PIGN: variants seen among roughly 807,000 people sequenced by gnomAD.
The protein encoded by PIGN is phosphatidylinositol glycan anchor biosynthesis class N, also known as GPI ethanolamine phosphate transferase 1.
In PIGN, 117 loss-of-function variants were observed where a neutral mutation model predicts 125.4. The observed-to-expected ratio is 0.93, with a 90% CI of 0.80 to 1.09. The LOEUF (loss-of-function observed/expected upper bound fraction) is 1.09, where lower values mean the gene tolerates loss of function less well. Among genes scored for constraint, PIGN ranks in the 50% least tolerant of loss-of-function variants. The pLI, the probability that PIGN is intolerant of heterozygous loss-of-function variation, is 0.00. For missense variants in PIGN, 1,075 were observed against 1,094.9 expected, an observed-to-expected ratio of 0.98 and a Z score of 0.26; for synonymous variants, 392 against 377.8, an observed-to-expected ratio of 1.04 and a Z score of -0.44.
rs1226604793 is a variant in PIGN at position 62,186,848 on chromosome 18, A to G, written c.-240T>C. 6.6e-6 allele frequency: 1 copy of G among 152,250 alleles called. No homozygotes were observed. Among genetic ancestry groups the G allele is most frequent in the Non-Finnish European group, 1.5e-5 (1 of 68,130 alleles). The allele number at this position is 152,250 out of a possible 1,614,324, so 9.4% of individuals were successfully genotyped here. A position where few individuals can be genotyped will look rare whatever the true frequency, so the allele number is the denominator to read the frequency against. On this transcript the variant is annotated 5_prime_UTR_variant, in exon 1 of 31. Coordinates refer to ENST00000640252, the MANE Select transcript of PIGN (RefSeq NM_176787.5). The stretch of plus-strand genomic sequence containing the variant: ...GCACTGGTCCCTGAACTTTACCTGG[A>G]GCTTATCCCGGTCAGGCCTGATCTC...
downstream of PIGN, among the ~76,000 whole-genome samples, chr18:62,040,250 G>A (rs1321139074): frequency 2.8e-4 from 39 of 139,464 alleles, no homozygotes; most frequent in Admixed American, 2.2e-3. Flanking sequence ...CCAGGGTGCC[G>A]CACCCCATGT....
At chr18:62,156,481 C>T (rs911110572) in intron 6 of PIGN, among the ~76,000 whole-genome samples, 2 of 152,050 alleles carry the variant, frequency 1.3e-5, no homozygotes, top group Non-Finnish European at 2.9e-5. Flanking sequence ...CAGGCACATG[C>T]CACCACACTC....
chr18:62,178,163 C>T (rs972186314), intron 1 of PIGN, among the ~76,000 whole-genome samples: 5 of 152,042 alleles, frequency 3.3e-5, no homozygotes, highest in African/African-American at 4.8e-5. Flanking sequence ...GAAATGTGGG[C>T]CATAGTCCCC....
At chr18:62,059,230 G>C (rs1190408122) in intron 30 of PIGN, 3 of 149,874 alleles carry the variant, frequency 2.0e-5, no homozygotes, top group African/African-American at 7.4e-5. Context: ...CTTCTTCAGG[G>C]ACCAAAGTTT....
At chr18:62,151,880 G>A (rs1486327608) in intron 7 of PIGN, among the ~76,000 whole-genome samples, 1 of 152,060 alleles carries the variant, frequency 6.6e-6, no homozygotes, top group Non-Finnish European at 1.5e-5. Context: ...GCTTAGCCTG[G>A]CCTACTGTCA....
intron 23 of PIGN, among the ~76,000 whole-genome samples, chr18:62,027,083 A>G (rs2030132979): frequency 6.6e-6 from 1 of 152,114 alleles, no homozygotes. Flanking sequence ...GGCACCTGTA[A>G]CCCCAGCTAC....
intron 23 of PIGN, among the ~76,000 whole-genome samples, chr18:62,019,150 A>G (rs1464306385): frequency 6.6e-6 from 1 of 152,198 alleles, no homozygotes; most frequent in Non-Finnish European, 1.5e-5. Context: ...TTCAGGCTGC[A>G]GTGAGCTATG....
chr18:62,109,962 A>T lies in PIGN; in HGVS notation c.1446T>A (p.His482Gln). The change falls in exon 17 of 31, where the codon CAT (histidine) becomes CAA (glutamine). Residue 482 changes from histidine (H) to glutamine (Q), a missense_variant. His to Gln is a conservative substitution (Grantham distance 24, BLOSUM62 0). This residue lies in a region of PIGN where 915 missense variants were observed against 908.7 expected (regional missense o/e 1.01). Transcript: ENST00000640252. ...GVSKEVKKPS[H>Q]LLPCSFVAIG... The stretch of plus-strand genomic sequence containing the variant: ...TAGCTACAAAACTACAAGGCAGGAG[A>T]TGGCTTGGTTTCTGAAAAATCAAAC... The T allele has an allele frequency of 6.2e-7, 1 of 1,613,420 alleles. No individual in the cohort carries two copies. Among genetic ancestry groups the T allele is most frequent in the Non-Finnish European group, 8.5e-7 (1 of 1,179,538 alleles).
At chr18:62,030,869 G>T (rs1333601809) in intron 23 of PIGN, among the ~76,000 whole-genome samples, 1 of 152,166 alleles carries the variant, frequency 6.6e-6, no homozygotes, top group African/African-American at 2.4e-5. Flanking sequence ...CAAGTGCTGA[G>T]GTGGGAGGAT....
intron 10 of PIGN, among the ~76,000 whole-genome samples, chr18:62,145,250 G>T (rs1268656150): frequency 6.6e-6 from 1 of 152,128 alleles, no homozygotes; most frequent in African/African-American, 2.4e-5. Context: ...AAATAATCAT[G>T]GCAGTGTACT....
downstream of PIGN, among the ~76,000 whole-genome samples, chr18:62,038,308 G>GTTTTTTTTTTTTTTTTTTTTTTTT (rs34436733): frequency 8.3e-6 from 1 of 120,088 alleles, no homozygotes; most frequent in African/African-American, 3.3e-5. Flanking sequence ...CCCCCTCCGT[G>GTTTTTTTTTTTTTTTTTTTTTTTT]TTTTTTTTTT....
chr18:62,185,345 G>T (rs1448485964), intron 1 of PIGN, among the ~76,000 whole-genome samples: 1 of 152,010 alleles, frequency 6.6e-6, no homozygotes, highest in Non-Finnish European at 1.5e-5. Context: ...ATATGGCACA[G>T]AAAACTATTT....
chr18:62,168,808 G>A (rs928930288), intron 1 of PIGN, among the ~76,000 whole-genome samples: 1 of 150,910 alleles, frequency 6.6e-6, no homozygotes, highest in Non-Finnish European at 1.5e-5. Flanking sequence ...GTTTTCTTAT[G>A]AGTCTTTGTA....
chr18:62,148,562 AG>A (rs1391580195), intron 7 of PIGN, among the ~76,000 whole-genome samples: 1 of 152,318 alleles, frequency 6.6e-6, no homozygotes, highest in African/African-American at 2.4e-5. Flanking sequence ...GGCCAAAAAA[AG>A]ATGTTAGAAA....
At chr18:62,159,637 G>A (rs985542888) in intron 4 of PIGN, among the ~76,000 whole-genome samples, 1 of 152,018 alleles carries the variant, frequency 6.6e-6, no homozygotes, top group East Asian at 1.9e-4. Flanking sequence ...CCTTCAATAT[G>A]TTATGCATCT....
chr18:62,050,021 G>A (rs905057844), intron 30 of PIGN, among the ~76,000 whole-genome samples: 1 of 151,796 alleles, frequency 6.6e-6, no homozygotes, highest in African/African-American at 2.4e-5. Flanking sequence ...GATATGTGGT[G>A]TTATTTCTGA....
intron 6 of PIGN, among the ~76,000 whole-genome samples, chr18:62,156,854 T>C (rs996101241): frequency 6.6e-6 from 1 of 152,186 alleles, no homozygotes. Context: ...AGAGGTTATA[T>C]AAATTGCTCA....
intron 29 of PIGN, 79 bp downstream of exon 29, chr18:62,074,700 A>C (rs1457164612): frequency 2.9e-5 from 25 of 860,906 alleles, no homozygotes; most frequent in Non-Finnish European, 4.1e-5. Flanking sequence ...CACGTACCAA[A>C]ATGCATTCAT....
intron 11 of PIGN, among the ~76,000 whole-genome samples, chr18:62,141,287 C>T (rs1410660466): frequency 1.3e-5 from 2 of 152,152 alleles, no homozygotes; most frequent in Admixed American, 6.5e-5. Flanking sequence ...TTTTCCCTTA[C>T]AGAGGTGTGA....
Sources: allele counts gnomAD v4.1 joint callset (sites outside exome capture counted in the v4.1 genomes callset), GRCh38; gene constraint gnomAD v4.1.1; regional missense constraint gnomAD v4.1.1; transcripts MANE v1.5; gene names NCBI Gene and HGNC (gene_info 2026-07-23, HGNC 2026-07-21).